The following SLC4A7 variants were observed in gnomAD, a reference collection of about 807,000 sequenced individuals.
SLC4A7 encodes sodium bicarbonate cotransporter 3.
In SLC4A7, 51 loss-of-function variants were observed where a neutral mutation model predicts 137.6. That is an observed-to-expected ratio of 0.37 (90% CI 0.30 to 0.47). The LOEUF is 0.47. Among genes scored for constraint, SLC4A7 ranks in the 20% least tolerant of loss-of-function variants. SLC4A7 has a pLI of 1.00. For synonymous variants in SLC4A7, 542 were observed against 518.6 expected (o/e 1.05, Z -0.61); for missense variants, 1,247 against 1,525.4 (o/e 0.82, Z 3.04).
intron 11 of SLC4A7, among the ~76,000 whole-genome samples, chr3:27,415,545 T>C (rs1188499108): frequency 1.3e-5 from 2 of 152,236 alleles, no homozygotes; most frequent in Non-Finnish European, 2.9e-5. Flanking sequence ...TATTTTCATC[T>C]GCATTAAAAA....
chr3:27,419,600 T>C (rs1179827869), intron 10 of SLC4A7, among the ~76,000 whole-genome samples: 1 of 150,746 alleles, frequency 6.6e-6, no homozygotes, highest in Admixed American at 6.6e-5. Context: ...CCTCCCAAAG[T>C]GCTGGGATTA....
At chr3:27,388,453 G>A (rs1007133050) in intron 22 of SLC4A7, among the ~76,000 whole-genome samples, 1 of 152,016 alleles carries the variant, frequency 6.6e-6, no homozygotes, top group Non-Finnish European at 1.5e-5. Context: ...TTAAAATTAA[G>A]CTTTTAACCA....
chr3:27,461,714 C>A (rs1238598101), intron 1 of SLC4A7, among the ~76,000 whole-genome samples: 1 of 151,218 alleles, frequency 6.6e-6, no homozygotes. Flanking sequence ...AATCCCAATA[C>A]TTTGGGAGGC....
chr3:27,385,157 C>G (rs942011036), intron 23 of SLC4A7, among the ~76,000 whole-genome samples: 2 of 151,982 alleles, frequency 1.3e-5, no homozygotes, highest in African/African-American at 4.8e-5. Flanking sequence ...ATGTGTCTTT[C>G]TTATCTTTGA....
intron 25 of SLC4A7, among the ~76,000 whole-genome samples, chr3:27,378,388 T>C (rs1576038543): frequency 1.3e-5 from 2 of 152,238 alleles, no homozygotes; most frequent in African/African-American, 4.8e-5. Flanking sequence ...CAACATAGCA[T>C]CTCACACAAA....
At position 27,451,698 on chromosome 3, in the gene SLC4A7, T is replaced by C. The variant is rs534102902; in HGVS notation, c.142+719A>G. Reference sequence around the variant, plus strand: ...TGAATCCTAGAACAGAAAAAGGCCATTAGTGGAAAAACTAGTGAAGCCTAA... The same window carrying C: ...TGAATCCTAGAACAGAAAAAGGCCACTAGTGGAAAAACTAGTGAAGCCTAA... On this transcript the variant is annotated intron_variant, in intron 2 of 25. Coordinates refer to ENST00000454389, the MANE Select transcript of SLC4A7 (RefSeq NM_001321103.2). Among the ~76,000 whole-genome samples the C allele has an allele frequency of 3.3e-5, 5 of 152,218 alleles. No homozygotes were observed. The South Asian group carries it at 1.0e-3, about 32-fold the overall frequency.
Position 27,411,709 on chromosome 3 carries a change from G to C in SLC4A7, c.1699C>G (p.Pro567Ala). 2 of 1,554,286 alleles carry C rather than the reference G, an allele frequency of 1.3e-6. No homozygotes were observed. Among genetic ancestry groups the C allele is most frequent in the East Asian group, 2.4e-5 (1 of 41,682 alleles). ...KIPVFHNGST[P>A]TLGETPKEAA... is the part of the protein sequence containing the mutation. ...TCTTTAGGAGTCTCACCCAGTGTGG[G>C]GGTAGATCCATTGTGAAACACAGGA... is the stretch of plus-strand genomic sequence containing the variant. Residue 567 changes from proline (P) to alanine (A), a missense_variant, in exon 12 of 26, where the codon CCC becomes GCC. Physicochemically the swap from Pro to Ala is conservative, Grantham distance 27 (BLOSUM62 -1). This residue lies in a region of SLC4A7 where 499 missense variants were observed against 664.2 expected (regional missense o/e 0.75). Coordinates refer to ENST00000454389, the MANE Select transcript of SLC4A7 (RefSeq NM_001321103.2).
chr3:27,428,611 G>A (rs2055908414), intron 7 of SLC4A7, among the ~76,000 whole-genome samples: 1 of 152,206 alleles, frequency 6.6e-6, no homozygotes. Context: ...AGGATTTCCA[G>A]TCAGAGGATT....
chr3:27,441,051 AAT>A (rs1318661818), intron 3 of SLC4A7, among the ~76,000 whole-genome samples: 3 of 152,174 alleles, frequency 2.0e-5, no homozygotes, highest in African/African-American at 7.2e-5. Context: ...GTCTCAAAAA[AAT>A]ATATAACAAA....
chr3:27,443,363 T>G (rs2057366612), intron 3 of SLC4A7, among the ~76,000 whole-genome samples: 1 of 152,138 alleles, frequency 6.6e-6, no homozygotes, highest in Non-Finnish European at 1.5e-5. Flanking sequence ...GCGGGATGTG[T>G]ATCGAAATTT....
intron 13 of SLC4A7, among the ~76,000 whole-genome samples, chr3:27,407,877 T>A (rs915333121): frequency 2.0e-5 from 3 of 152,168 alleles, no homozygotes; most frequent in African/African-American, 7.2e-5. Flanking sequence ...CACTCCTATA[T>A]AAACGATTCC....
Position 27,484,119 on chromosome 3 carries a change from G to T in SLC4A7, c.8C>A (p.Ala3Asp). 1 of 1,383,620 alleles carries T rather than the reference G, an allele frequency of 7.2e-7. No individual in the cohort carries two copies. Among genetic ancestry groups the T allele is most frequent in the Non-Finnish European group, 9.4e-7 (1 of 1,063,776 alleles). 85.7% of individuals were successfully genotyped at this position (1,383,620 alleles called of 1,614,324 possible). Reference sequence around the variant, plus strand: ...TCTCATCTGCTCGCCGGCCCCATCAGCCTCCATGGCCGGCCGGCCAGCCCG... The same window carrying T: ...TCTCATCTGCTCGCCGGCCCCATCATCCTCCATGGCCGGCCGGCCAGCCCG... ME[A>D]DGAGEQMRPL... Residue 3 changes from alanine to aspartate, a missense_variant, in exon 1 of 26, where the codon GCT becomes GAT. Physicochemically the swap from Ala to Asp is moderately radical, Grantham distance 126. Transcript: ENST00000454389.
chr3:27,394,834 A>C, intron 19 of SLC4A7, 65 bp from the exon 20 acceptor site: 1 of 1,562,198 alleles, frequency 6.4e-7, no homozygotes. Context: ...AAAATTCTAC[A>C]CGAATTATAA....
intron 22 of SLC4A7, among the ~76,000 whole-genome samples, chr3:27,386,880 G>A (rs2840088): frequency 0.18 from 27,593 of 151,912 alleles, 2,899 homozygotes; most frequent in Non-Finnish European, 0.25. Context: ...TTCTGAACAT[G>A]GTCTCAGATA....
intron 3 of SLC4A7, among the ~76,000 whole-genome samples, chr3:27,443,032 C>CTTTTTTTTTTTTTTT (rs1175482585): frequency 9.5e-6 from 1 of 105,382 alleles, no homozygotes; most frequent in Non-Finnish European, 1.9e-5. Context: ...TTCTTTTTTT[C>CTTTTTTTTTTTTTTT]TTTTTTTTTT....
intron 1 of SLC4A7, among the ~76,000 whole-genome samples, chr3:27,465,964 AAAGAAAG>A (rs748041410): frequency 0.13 from 18,808 of 140,106 alleles, 1,502 homozygotes; most frequent in South Asian, 0.23. Flanking sequence ...AAAAAAAAAA[AAAGAAAG>A]AAAGAAAGAA....
At chr3:27,423,348 TA>T (rs2055192831) in intron 8 of SLC4A7, among the ~76,000 whole-genome samples, 2 of 152,174 alleles carry the variant, frequency 1.3e-5, no homozygotes, top group African/African-American at 4.8e-5. Flanking sequence ...TTAATACTAC[TA>T]AAAAATTAGT....
chr3:27,384,468 T>C (rs376832665), intron 23 of SLC4A7, among the ~76,000 whole-genome samples: 32 of 152,266 alleles, frequency 2.1e-4, no homozygotes, highest in African/African-American at 7.5e-4. Context: ...GATAACTTTG[T>C]GGGGCTTAAC....
At chr3:27,383,356 T>C in intron 23 of SLC4A7, 106 bp from the exon 24 acceptor site, 6 of 770,232 alleles carry the variant, frequency 7.8e-6, no homozygotes, top group Non-Finnish European at 1.3e-5. Context: ...TGACATTATT[T>C]AAATATAACT....
Sources: allele counts gnomAD v4.1 joint callset (sites outside exome capture counted in the v4.1 genomes callset), GRCh38; gene constraint gnomAD v4.1.1; regional missense constraint gnomAD v4.1.1; transcripts MANE v1.5; gene names NCBI Gene and HGNC (gene_info 2026-07-23, HGNC 2026-07-21).